Variants in ASMTL observed in about 807,000 individuals in gnomAD.
ASMTL encodes the protein acetylserotonin O-methyltransferase like, also known as probable bifunctional dTTP/UTP pyrophosphatase/methyltransferase protein.
ASMTL carries 57 observed loss-of-function variants against 60.3 expected under a neutral mutation model. The observed-to-expected ratio is 0.95, with a 90% CI of 0.76 to 1.18. The LOEUF (loss-of-function observed/expected upper bound fraction) is 1.18. ASMTL is among the 50% of genes most tolerant of loss of function. The probability of loss-of-function intolerance (pLI) is 0.00; values close to 1 mark genes in which losing one functional copy is unlikely to be tolerated. For missense variants in ASMTL, 981 were observed against 852.6 expected (o/e 1.15, Z -1.88); for synonymous variants, 419 against 373.0 (o/e 1.12, Z -1.42).
chrX:1,410,350 G>C (rs1199756695), intron 12 of ASMTL, among the ~76,000 whole-genome samples: 1 of 151,688 alleles, frequency 6.6e-6, no homozygotes, highest in Non-Finnish European at 1.5e-5. Context: ...AGGCTGCAGT[G>C]AACTATGATG....
chrX:1,407,274 GAGAT>G (rs1288707802), intron 12 of ASMTL, among the ~76,000 whole-genome samples: 7 of 151,264 alleles, frequency 4.6e-5, no homozygotes, highest in African/African-American at 1.7e-4. Context: ...ATGCATGGAT[GAGAT>G]GGATGGATGG....
intron 8 of ASMTL, among the ~76,000 whole-genome samples, chrX:1,424,868 AT>A (rs2090573462): frequency 3.9e-5 from 2 of 51,308 alleles, no homozygotes; most frequent in East Asian, 1.1e-3. Context: ...CCACCCACCC[AT>A]CCATCCACCC....
intron 5 of ASMTL, among the ~76,000 whole-genome samples, chrX:1,433,436 C>T (rs1326925431): frequency 1.7e-4 from 23 of 138,664 alleles, no homozygotes; most frequent in East Asian, 1.6e-3. Context: ...GAGGCCGAGG[C>T]GGGCGGATCA....
chrX:1,433,621 A>T (rs755917851), intron 5 of ASMTL, among the ~76,000 whole-genome samples: 1 of 151,580 alleles, frequency 6.6e-6, no homozygotes, highest in East Asian at 1.9e-4. Flanking sequence ...CGGAGCTTGC[A>T]GTGAGCCGAG....
intron 10 of ASMTL, 129 bp downstream of exon 10, chrX:1,418,853 C>T: frequency 8.3e-7 from 1 of 1,210,792 alleles, no homozygotes; most frequent in Non-Finnish European, 1.2e-6. Context: ...TGGGACTCAG[C>T]CTGGCCCGGT....
chrX:1,418,753 G>A (rs147606749), intron 10 of ASMTL, among the ~76,000 whole-genome samples: 3,817 of 152,138 alleles, frequency 0.025, 164 homozygotes, highest in African/African-American at 0.087. Context: ...CCTCAGCTCC[G>A]CAGCCAAAAG....
At chrX:1,432,713 C>G (rs1286957984) in intron 5 of ASMTL, among the ~76,000 whole-genome samples, 3 of 152,070 alleles carry the variant, frequency 2.0e-5, no homozygotes, top group African/African-American at 7.2e-5. Context: ...CCTGTAGTCC[C>G]AGCTACTCGG....
intron 3 of ASMTL, among the ~76,000 whole-genome samples, chrX:1,437,035 C>G (rs28809182): frequency 0.42 from 60,993 of 146,822 alleles, 12,758 homozygotes; most frequent in Middle Eastern, 0.56. Flanking sequence ...TCCTCACAGA[C>G]TCGTCCCTCT....
chrX:1,443,143 C>CGTCGTGGACACATGCT (rs1569534701), intron 1 of ASMTL, among the ~76,000 whole-genome samples: 22 of 150,380 alleles, frequency 1.5e-4, no homozygotes, highest in Admixed American at 6.6e-4. Context: ...GGACACACGC[C>CGTCGTGGACACATGCT]GCCATCTTGG....
At chrX:1,433,067 C>T (rs866928556) in intron 5 of ASMTL, among the ~76,000 whole-genome samples, 4 of 152,030 alleles carry the variant, frequency 2.6e-5, no homozygotes, top group African/African-American at 9.7e-5. Context: ...CACTGTACTG[C>T]AGCCTGGGCG....
At chrX:1,445,655 G>A (rs140544746) in intron 1 of ASMTL, among the ~76,000 whole-genome samples, 2,677 of 152,036 alleles carry the variant, frequency 0.018, 82 homozygotes, top group African/African-American at 0.059. Flanking sequence ...CCGAGGACAC[G>A]AGCTCTTCCG....
At chrX:1,436,274 A>G (rs2090961363) in intron 3 of ASMTL, among the ~76,000 whole-genome samples, 1 of 151,520 alleles carries the variant, frequency 6.6e-6, no homozygotes, top group South Asian at 2.1e-4. Flanking sequence ...CCGGGGTTCA[A>G]GTGATTCTCC....
rs758135533 is a variant in ASMTL, at chrX:1,449,700, C to T, written c.93+3048G>A. Among the ~76,000 whole-genome samples the T allele has an allele frequency of 2.7e-5, 4 of 147,666 alleles. No individual in the cohort carries two copies. In the East Asian group the frequency reaches 8.0e-4, roughly 30 times the overall value. On this transcript the variant is annotated intron_variant, in intron 1 of 12. Coordinates refer to ENST00000381317, the MANE Select transcript of ASMTL (RefSeq NM_004192.4). ...CCCCATCATCAAACCCAGTAACTAC[C>T]CCCCATCACCAGTAACTATCCACCA...
chrX:1,414,945 T>TA (rs1370139918), intron 11 of ASMTL, among the ~76,000 whole-genome samples: 42 of 2,162 alleles, frequency 0.019, no homozygotes, highest in Admixed American at 0.19. Context: ...TTTTTTTATT[T>TA]TTTTATTTTT....
rs769349930 is a variant in ASMTL, at chrX:1,425,705, A to G, written c.898-18T>C. On this transcript the variant is annotated intron_variant, in intron 7 of 12. Transcript: ENST00000381317. ...AGCAGGCCCTGTTAAAAGCAAGTGCAGAGAGACTCATTAAGTCCCTTGTCC... is the reference window on the plus strand; with the variant it reads ...AGCAGGCCCTGTTAAAAGCAAGTGCGGAGAGACTCATTAAGTCCCTTGTCC... The G allele has an allele frequency of 5.6e-6, 9 of 1,611,420 alleles. No individual in the cohort carries two copies. Among genetic ancestry groups the G allele is most frequent in the Non-Finnish European group, 7.6e-6 (9 of 1,178,628 alleles).
intron 6 of ASMTL, chrX:1,431,915 C>T (rs1313540147): frequency 4.3e-5 from 12 of 278,070 alleles, no homozygotes; most frequent in Non-Finnish European, 7.5e-5. Flanking sequence ...CTTTGGATCA[C>T]AGAGTTTATT....
At position 1,428,156 on chromosome X, in the gene ASMTL, A is replaced by C. The variant is rs765035455; in HGVS notation, c.510-35T>G. On this transcript the variant is annotated intron_variant, in intron 6 of 12. Coordinates refer to ENST00000381317, the MANE Select transcript of ASMTL (RefSeq NM_004192.4). Reference sequence around the variant, plus strand: ...CAGGGGAAGGTAAGAGGTGACAAGGAGGAGAAAAGTTCCTGGGTCTGAACA... The same window carrying C: ...CAGGGGAAGGTAAGAGGTGACAAGGCGGAGAAAAGTTCCTGGGTCTGAACA... The C allele has an allele frequency of 1.9e-6, 3 of 1,570,598 alleles. No homozygotes were observed. In the Admixed American group the frequency reaches 5.2e-5, roughly 27 times the overall value.
intron 6 of ASMTL, chrX:1,428,322 CAA>C (rs61684472): frequency 0.013 from 1,749 of 136,828 alleles, no homozygotes; most frequent in Non-Finnish European, 0.019. Flanking sequence ...TTTGGCATCT[CAA>C]AAAAAAAAAA....
chrX:1,452,715 C>A, intron 1 of ASMTL, 33 bp downstream of exon 1: 1 of 1,550,184 alleles, frequency 6.5e-7, no homozygotes, highest in East Asian at 2.4e-5. Flanking sequence ...CCTCCGTCCC[C>A]GGTCCCCTGC....
Sources: allele counts gnomAD v4.1 joint callset (sites outside exome capture counted in the v4.1 genomes callset), GRCh38; gene constraint gnomAD v4.1.1; transcripts MANE v1.5; gene names NCBI Gene and HGNC (gene_info 2026-07-23, HGNC 2026-07-21).